The following PBRM1 variants were observed in gnomAD, a reference collection of about 807,000 sequenced individuals.
PBRM1 encodes polybromo 1.
Under a neutral mutation model 194.5 loss-of-function variants are expected in PBRM1, and 27 were observed. The observed-to-expected ratio is 0.14, with a 90% CI of 0.10 to 0.19. PBRM1 has a LOEUF of 0.19. PBRM1 is among the 10% of genes least tolerant of loss of function. The pLI, the probability that PBRM1 is intolerant of heterozygous loss-of-function variation, is 1.00. For synonymous variants in PBRM1, 655 were observed against 693.2 expected, an observed-to-expected ratio of 0.94 and a Z score of 0.87; for missense variants, 1,466 against 2,077.2, an observed-to-expected ratio of 0.71 and a Z score of 5.72.
chr3:52,586,252 T>C (rs2092374641), intron 20 of PBRM1, 173 bp downstream of exon 22: 2 of 594,636 alleles, frequency 3.4e-6, no homozygotes. Context: ...TTTTAAATTA[T>C]AATGTACAGT....
At chr3:52,643,504 C>T (rs1040510101) in intron 8 of PBRM1, among the ~76,000 whole-genome samples, 161 bp from the exon 10 acceptor site, 1 of 152,204 alleles carries the variant, frequency 6.6e-6, no homozygotes, top group Non-Finnish European at 1.5e-5. Flanking sequence ...GCCCTGGGGA[C>T]TCTGCGGGGA....
At chr3:52,574,562 A>T (rs551008546) in intron 22 of PBRM1, among the ~76,000 whole-genome samples, 9 of 152,314 alleles carry the variant, frequency 5.9e-5, no homozygotes, top group African/African-American at 2.2e-4. Flanking sequence ...TTGGCCAATA[A>T]GGGTTTTGAA....
chr3:52,562,344 A>ATT lies in PBRM1; in HGVS notation c.4087-378_4087-377dup, dbSNP rs1340295163. On this transcript the variant is annotated intron_variant, in intron 24 of 29. Transcript: ENST00000296302. ...TCTGTCTCAAAAAAAAAAAAAAAAA[A>ATT]TTTTTCAGAAGCCAGGAACACGTGA... 1.1e-4 allele frequency among the ~76,000 whole-genome samples: 11 copies of ATT among 103,816 alleles called. No homozygotes were observed. The South Asian group carries it at 1.3e-3, about 12-fold the overall frequency. The allele number at this position is 103,816 out of a possible 152,430, so 68.1% of individuals were successfully genotyped here.
At chr3:52,599,272 G>T (rs1361141113) in intron 17 of PBRM1, among the ~76,000 whole-genome samples, 1 of 152,098 alleles carries the variant, frequency 6.6e-6, no homozygotes, top group Non-Finnish European at 1.5e-5. Context: ...TCAAATCAGG[G>T]TAATTAGCAT....
chr3:52,654,348 T>G (rs1214264416), intron 5 of PBRM1, among the ~76,000 whole-genome samples: 2 of 152,162 alleles, frequency 1.3e-5, no homozygotes, highest in Admixed American at 6.5e-5. Context: ...TGCTGCCCCT[T>G]CTCTTCACCA....
intron 6 of PBRM1, among the ~76,000 whole-genome samples, chr3:52,651,380 C>T (rs2096488363): frequency 6.6e-6 from 1 of 152,060 alleles, no homozygotes; most frequent in Non-Finnish European, 1.5e-5. Context: ...CAGGTTACCC[C>T]ATCTACCCTG....
chr3:52,566,027 G>A (rs1465082406), intron 22 of PBRM1, among the ~76,000 whole-genome samples: 1 of 151,594 alleles, frequency 6.6e-6, no homozygotes, highest in Non-Finnish European at 1.5e-5. Flanking sequence ...TCCAGCCTGG[G>A]CGAAAGAGCG....
At chr3:52,653,712 C>T (rs1231888958) in intron 5 of PBRM1, among the ~76,000 whole-genome samples, 1 of 152,026 alleles carries the variant, frequency 6.6e-6, no homozygotes, top group Non-Finnish European at 1.5e-5. Context: ...GAGTTCAAGA[C>T]CAGCCTGGCC....
At chr3:52,588,869 T>G (rs1560119766) in intron 18 of PBRM1, among the ~76,000 whole-genome samples, 3 of 152,218 alleles carry the variant, frequency 2.0e-5, no homozygotes, top group Admixed American at 2.0e-4. Context: ...AAGCTGTATT[T>G]CTTTTGACTC....
intron 11 of PBRM1, 126 bp downstream of exon 12, chr3:52,634,476 T>C (rs1175959882): frequency 7.8e-6 from 5 of 637,270 alleles, no homozygotes; most frequent in Non-Finnish European, 1.1e-5. Context: ...CAGTTAAAAT[T>C]TGAGGTTAAA....
chr3:52,653,193 T>A (rs1364546409), intron 5 of PBRM1, among the ~76,000 whole-genome samples: 1 of 152,234 alleles, frequency 6.6e-6, no homozygotes, highest in South Asian at 2.1e-4. Context: ...AGAAGTCAGG[T>A]TGCAAAATTT....
rs1442023170 is a variant in PBRM1, at chr3:52,548,240, A to T, written c.4898-5T>A. ...AATGGACGTCGCGTCTTCGAGCTGA[A>T]AATTAAAGTACAGAGAGACAGAAAT... On this transcript the variant is annotated splice_polypyrimidine_tract_variant and splice_region_variant and intron_variant, in intron 29 of 29. Transcript: ENST00000296302. 1 of 1,572,024 alleles carries T rather than the reference A, an allele frequency of 6.4e-7. No individual in the cohort carries two copies. Among genetic ancestry groups the T allele is most frequent in the Non-Finnish European group, 8.6e-7 (1 of 1,165,170 alleles).
intron 20 of PBRM1, among the ~76,000 whole-genome samples, chr3:52,584,450 C>CTTGTTTTTTT (rs2092007853): frequency 1.6e-5 from 1 of 60,750 alleles, no homozygotes; most frequent in Non-Finnish European, 2.7e-5. Context: ...AGTATTCTTG[C>CTTGTTTTTTT]TTTTTTTTTT....
chr3:52,600,322 T>C (rs748859058), intron 17 of PBRM1, among the ~76,000 whole-genome samples: 11 of 152,222 alleles, frequency 7.2e-5, no homozygotes, highest in Admixed American at 1.3e-4. Context: ...GAGAATCTGG[T>C]CACTTTATGG....
chr3:52,604,649 C>T (rs2094222712), intron 16 of PBRM1, among the ~76,000 whole-genome samples: 1 of 151,866 alleles, frequency 6.6e-6, no homozygotes, highest in South Asian at 2.1e-4. Context: ...GTTATGATGG[C>T]ACCGCTGCAT....
chr3:52,624,595 G>T (rs2095385085), intron 13 of PBRM1, among the ~76,000 whole-genome samples: 1 of 152,198 alleles, frequency 6.6e-6, no homozygotes, highest in Non-Finnish European at 1.5e-5. Flanking sequence ...TCCTGCACCA[G>T]CACTGCCACC....
intron 16 of PBRM1, among the ~76,000 whole-genome samples, chr3:52,604,409 G>GAAA (rs2094205356): frequency 6.6e-6 from 1 of 152,176 alleles, no homozygotes; most frequent in South Asian, 2.1e-4. Flanking sequence ...CCTCATTTAT[G>GAAA]AAATAAAGCG....
At chr3:52,681,999 T>A (rs1455441210), upstream of PBRM1, 2 of 157,052 alleles carry the variant, frequency 1.3e-5, no homozygotes, top group Non-Finnish European at 2.8e-5. Flanking sequence ...CTGCAAAGGC[T>A]CAGGCACTAA....
chr3:52,575,469 G>C (rs915534739), intron 22 of PBRM1, among the ~76,000 whole-genome samples: 1 of 146,724 alleles, frequency 6.8e-6, no homozygotes, highest in Non-Finnish European at 1.5e-5. Context: ...AGAAATTCCA[G>C]ACACTGGATT....
Sources: gnomAD v4.1 joint callset for allele counts (sites outside exome capture counted in the v4.1 genomes callset) on GRCh38, gnomAD v4.1.1 for gene constraint, MANE v1.5 for transcripts, NCBI Gene and HGNC (gene_info 2026-07-23, HGNC 2026-07-21) for gene names.